Variants in CHRM5 observed in about 807,000 individuals in gnomAD.
The protein encoded by CHRM5 is muscarinic acetylcholine receptor M5.
Under a neutral mutation model 39.0 loss-of-function variants are expected in CHRM5, and 18 were observed. The observed-to-expected ratio is 0.46, with a 90% CI of 0.32 to 0.68. The LOEUF (loss-of-function observed/expected upper bound fraction) is 0.68, where lower values mean the gene tolerates loss of function less well. CHRM5 is among the 30% of genes least tolerant of loss of function. The pLI, the probability that CHRM5 is intolerant of heterozygous loss-of-function variation, is 0.04. For synonymous variants in CHRM5, 241 were observed against 246.3 expected (o/e 0.98, Z 0.20); for missense variants, 515 against 651.1 (o/e 0.79, Z 2.28).
In CHRM5 at chr15:34,062,771, T is replaced by C; in HGVS notation, c.54T>C (p.Asn18=). 1 of 1,614,058 alleles carries C rather than the reference T, an allele frequency of 6.2e-7. No individual in the cohort carries two copies. The highest frequency in any genetic ancestry group is 8.5e-7 in the Non-Finnish European group (1 of 1,179,990). ...NATTVNGTPV[N]HQPLERHRLW... is the part of the protein sequence containing the mutation. ...CCACCGTCAATGGCACCCCAGTAAA[T>C]CACCAGCCTTTGGAACGCCACAGGT... The change falls in exon 3 of 3, where the codon AAT becomes AAC. Residue 18 remains asparagine (N), a synonymous_variant. Coordinates refer to ENST00000383263, the MANE Select transcript of CHRM5 (RefSeq NM_012125.4).
chr15:34,011,632 G>A (rs1388526034), intron 1 of CHRM5, among the ~76,000 whole-genome samples: 6 of 152,122 alleles, frequency 3.9e-5, no homozygotes, highest in Non-Finnish European at 8.8e-5. Flanking sequence ...AGGGAGGAGA[G>A]AGGCATCCCA....
rs568337659 is a variant in CHRM5, at chr15:34,037,118, A to T, written c.-407-9422A>T. Reference sequence around the variant, plus strand: ...GAGTAAAACTCCGTCTCAAAAAAAAAAAAAAAATATATACCATCATTTCAC... The same window carrying T: ...GAGTAAAACTCCGTCTCAAAAAAAATAAAAAAATATATACCATCATTTCAC... On this transcript the variant is annotated intron_variant, in intron 1 of 2. Transcript: ENST00000383263. Among the ~76,000 whole-genome samples, 275 of 151,364 alleles carry T rather than the reference A, an allele frequency of 1.8e-3. 1 individual carries two copies. The highest frequency in any genetic ancestry group is 9.9e-3 in the East Asian group (51 of 5,168).
In CHRM5 at chr15:33,993,204, G is replaced by T. The variant is rs192800632; in HGVS notation, c.-408+24054G>T. Among the ~76,000 whole-genome samples the T allele has an allele frequency of 5.8e-3, 876 of 152,246 alleles. 11 individuals are homozygous for T. Among genetic ancestry groups the T allele is most frequent in the African/African-American group, 0.02 (845 of 41,538 alleles). Reference sequence around the variant, plus strand: ...ATTTCTCATAGATCTTACTTTTTACGTTTGAAGGTAAGAGTGGGGTGCCAT... The same window carrying T: ...ATTTCTCATAGATCTTACTTTTTACTTTTGAAGGTAAGAGTGGGGTGCCAT... On this transcript the variant is annotated intron_variant, in intron 1 of 2. Transcript: ENST00000383263.
intron 1 of CHRM5, among the ~76,000 whole-genome samples, chr15:34,019,429 CTAAT>C (rs1385005500): frequency 6.6e-6 from 1 of 152,162 alleles, no homozygotes; most frequent in Admixed American, 6.5e-5. Flanking sequence ...TAAACTAGGG[CTAAT>C]TATTTAAAAA....
rs1410650159 is a variant in CHRM5 at position 34,063,502 on chromosome 15, C to T, written c.785C>T (p.Ala262Val). The T allele has an allele frequency of 2.5e-6, 4 of 1,613,754 alleles. No homozygotes were observed. Among genetic ancestry groups the T allele is most frequent in the Non-Finnish European group, 3.4e-6 (4 of 1,180,038 alleles). Residue 262 changes from alanine (A) to valine (V), a missense_variant, in exon 3 of 3, where the codon GCC becomes GTC. Transcript: ENST00000383263. This position sits in a 1 kb window ranked among gnomAD's most constrained non-coding sequence, Gnocchi z 4.1. ...SCLRCPRPTL[A>V]QRERNQASWS... ...TTGCGCTGTCCTCGACCCACCCTGG[C>T]CCAGCGGGAAAGGAACCAGGCCTCC...
In CHRM5 at chr15:34,063,098, C is replaced by T. The variant is rs758808773; in HGVS notation, c.381C>T (p.Asp127=). 5 of 1,614,158 alleles carry T rather than the reference C, an allele frequency of 3.1e-6. No homozygotes were observed. Among genetic ancestry groups the T allele is most frequent in the South Asian group, 1.1e-5 (1 of 91,082 alleles). ...TGAACCTTCTGGTGATCAGTTTTGA[C>T]CGTTACTTTTCCATCACAAGACCCT... ...SVMNLLVISF[D]RYFSITRPLT... The change falls in exon 3 of 3, where the codon GAC becomes GAT. Residue 127 remains aspartate (D), a synonymous_variant. Coordinates refer to ENST00000383263, the MANE Select transcript of CHRM5 (RefSeq NM_012125.4). The surrounding 1 kb of genome is among the most constrained non-coding windows in gnomAD (Gnocchi z 4.1).
chr15:34,041,036 T>A (rs900059224), intron 1 of CHRM5, among the ~76,000 whole-genome samples: 3 of 152,140 alleles, frequency 2.0e-5, no homozygotes, highest in African/African-American at 7.2e-5. Flanking sequence ...AAGTTGAAGA[T>A]CCACACATTA....
At chr15:33,986,567 C>A (rs1422913743) in intron 1 of CHRM5, among the ~76,000 whole-genome samples, 2 of 152,094 alleles carry the variant, frequency 1.3e-5, no homozygotes, top group African/African-American at 2.4e-5. Flanking sequence ...TTTTTAAAAA[C>A]CAGCAGTAAT....
At chr15:33,983,223 T>TATACACACAC (rs1175801204) in intron 1 of CHRM5, among the ~76,000 whole-genome samples, 2 of 110,624 alleles carry the variant, frequency 1.8e-5, no homozygotes, top group African/African-American at 8.2e-5. Context: ...TACATATATA[T>TATACACACAC]ACACACACAT....
chr15:33,976,752 A>G (rs1895905919), intron 1 of CHRM5, among the ~76,000 whole-genome samples: 1 of 152,224 alleles, frequency 6.6e-6, no homozygotes. Flanking sequence ...CCTGTCTCAG[A>G]TGACCAGCTG....
intron 1 of CHRM5, among the ~76,000 whole-genome samples, chr15:34,037,260 A>G (rs1899186488): frequency 6.6e-6 from 1 of 152,118 alleles, no homozygotes; most frequent in Non-Finnish European, 1.5e-5. Flanking sequence ...CACCAAATGT[A>G]CCATTACTAC....
intron 1 of CHRM5, among the ~76,000 whole-genome samples, chr15:34,043,287 GTTTGAC>G (rs1899554543): frequency 6.6e-6 from 1 of 151,448 alleles, no homozygotes; most frequent in African/African-American, 2.4e-5. Context: ...GGCTTTCACT[GTTTGAC>G]GAAAAGTAGA....
At chr15:34,053,319 A>AAAAAATATATATATATATAT (rs775436850) in intron 2 of CHRM5, among the ~76,000 whole-genome samples, 5 of 42,094 alleles carry the variant, frequency 1.2e-4, no homozygotes, top group African/African-American at 4.0e-4. Flanking sequence ...AAAAAAAAAA[A>AAAAAATATATATATATATAT]ATATATATAT....
intron 2 of CHRM5, among the ~76,000 whole-genome samples, chr15:34,056,664 A>G (rs1286152617): frequency 6.6e-6 from 1 of 152,096 alleles, no homozygotes; most frequent in African/African-American, 2.4e-5. Flanking sequence ...GGCTCTCCTC[A>G]AGGTTGTTCT....
intron 1 of CHRM5, among the ~76,000 whole-genome samples, chr15:34,000,106 G>GCT: frequency 6.6e-6 from 1 of 152,136 alleles, no homozygotes; most frequent in Admixed American, 6.5e-5. Flanking sequence ...ATCCTCACTT[G>GCT]CTCCCTCACC....
intron 1 of CHRM5, among the ~76,000 whole-genome samples, chr15:33,979,175 C>T (rs1043802331): frequency 6.6e-6 from 1 of 152,054 alleles, no homozygotes; most frequent in Non-Finnish European, 1.5e-5. Flanking sequence ...CTCGTAAACC[C>T]CTCTTCAAAA....
chr15:34,001,891 T>G (rs1004385779), intron 1 of CHRM5, among the ~76,000 whole-genome samples: 4 of 152,220 alleles, frequency 2.6e-5, no homozygotes, highest in African/African-American at 9.6e-5. Context: ...ATCAAAGTCA[T>G]GAGGAAGAAA....
In CHRM5 at chr15:34,066,966, T is replaced by A. The variant is rs1427530709; in HGVS notation, c.*2650T>A. 6.6e-6 allele frequency: 1 copy of A among 152,104 alleles called. No individual in the cohort carries two copies. Among genetic ancestry groups the A allele is most frequent in the Non-Finnish European group, 1.5e-5 (1 of 68,040 alleles). The allele number at this position is 152,104 out of a possible 1,614,324, so 9.4% of individuals were successfully genotyped here. A position where few individuals can be genotyped will look rare whatever the true frequency, so the allele number is the denominator to read the frequency against. ...AACTAGACTTCTATAGAATAGCGGC[T>A]TTAGTGGGGTCCTCAGAATGAATAG... On this transcript the variant is annotated 3_prime_UTR_variant, in exon 3 of 3. Coordinates refer to ENST00000383263, the MANE Select transcript of CHRM5 (RefSeq NM_012125.4).
chr15:34,017,572 C>A (rs755219527), intron 1 of CHRM5, among the ~76,000 whole-genome samples: 5 of 148,432 alleles, frequency 3.4e-5, no homozygotes, highest in Non-Finnish European at 5.9e-5. Flanking sequence ...CCTCCATCTC[C>A]CAGTTCAAGC....
Sources: gnomAD v4.1 joint callset for allele counts (sites outside exome capture counted in the v4.1 genomes callset) on GRCh38, gnomAD v4.1.1 for gene constraint, Gnocchi (gnomAD v3.1) non-coding constraint, MANE v1.5 for transcripts, NCBI Gene and HGNC (gene_info 2026-07-23, HGNC 2026-07-21) for gene names.